The following TRIO variants were observed in gnomAD, a reference collection of about 807,000 sequenced individuals.
TRIO encodes triple functional domain protein.
In TRIO, 58 loss-of-function variants were observed where a neutral mutation model predicts 351.9. The ratio of observed to expected loss-of-function variants is 0.16; its 90% CI spans 0.13 to 0.21. The LOEUF (loss-of-function observed/expected upper bound fraction) is 0.21, where lower values mean the gene tolerates loss of function less well. TRIO is among the 10% of genes least tolerant of loss of function. The pLI, the probability that TRIO is intolerant of heterozygous loss-of-function variation, is 1.00. For missense variants in TRIO, 3,201 were observed against 4,027.8 expected (o/e 0.79, Z 5.56); for synonymous variants, 1,758 against 1,595.7 (o/e 1.10, Z -2.42).
intron 30 of TRIO, among the ~76,000 whole-genome samples, chr5:14,400,109 G>A (rs1747944809): frequency 6.6e-6 from 1 of 152,136 alleles, no homozygotes; most frequent in African/African-American, 2.4e-5. Flanking sequence ...TGTTTGGCTT[G>A]TGTTCTGTTT....
intron 1 of TRIO, among the ~76,000 whole-genome samples, chr5:14,204,498 A>G (rs1489551733): frequency 1.3e-5 from 2 of 152,176 alleles, no homozygotes; most frequent in Middle Eastern, 3.2e-3. Context: ...TGGACCACAT[A>G]CTAACATTGT....
At chr5:14,258,175 G>T (rs1024877368) in intron 1 of TRIO, among the ~76,000 whole-genome samples, 2 of 152,252 alleles carry the variant, frequency 1.3e-5, no homozygotes, top group Non-Finnish European at 2.9e-5. Flanking sequence ...CTAGTGAAGT[G>T]CAGCTTTGCC....
At chr5:14,216,609 C>T (rs1006876387) in intron 1 of TRIO, among the ~76,000 whole-genome samples, 3 of 152,214 alleles carry the variant, frequency 2.0e-5, no homozygotes, top group Non-Finnish European at 4.4e-5. Context: ...ATACCATAAA[C>T]ATCTGTACAG....
At chr5:14,320,647 C>T (rs1216820577) in intron 9 of TRIO, among the ~76,000 whole-genome samples, 2 of 152,136 alleles carry the variant, frequency 1.3e-5, no homozygotes, top group Non-Finnish European at 2.9e-5. Context: ...TCTTCTTGTC[C>T]AGTCTTTATT....
intron 3 of TRIO, among the ~76,000 whole-genome samples, chr5:14,282,626 A>G (rs573505074): frequency 8.8e-4 from 134 of 152,294 alleles, no homozygotes; most frequent in African/African-American, 3.2e-3. Flanking sequence ...AGAGAATAAT[A>G]TCATGAACAC....
intron 1 of TRIO, among the ~76,000 whole-genome samples, chr5:14,197,713 T>G (rs574756208): frequency 9.2e-5 from 14 of 152,348 alleles, no homozygotes; most frequent in African/African-American, 3.1e-4. Flanking sequence ...TTCACAGTGG[T>G]AACAGTAGTC....
chr5:14,208,988 A>G (rs1452076193), intron 1 of TRIO, among the ~76,000 whole-genome samples: 1 of 152,212 alleles, frequency 6.6e-6, no homozygotes. Context: ...TGCAATTATA[A>G]ATTTATTACA....
chr5:14,398,442 G>C (rs1440188554), intron 29 of TRIO, among the ~76,000 whole-genome samples: 1 of 152,158 alleles, frequency 6.6e-6, no homozygotes, highest in Non-Finnish European at 1.5e-5. Context: ...TGGGAAGGAT[G>C]CTCTGGGCTG....
rs766046159 is a variant in TRIO at position 14,399,037 on chromosome 5, G to C, written c.4581G>C (p.Gly1527=). 1 of 1,614,126 alleles carries C rather than the reference G, an allele frequency of 6.2e-7. No individual in the cohort carries two copies. Among genetic ancestry groups the C allele is most frequent in the Non-Finnish European group, 8.5e-7 (1 of 1,180,010 alleles). Residue 1527 remains glycine, a synonymous_variant, in exon 30 of 57, where the codon GGG becomes GGC. Transcript: ENST00000344204. ...VFSKEVKDSS[G]RSKYLYKSKL... The stretch of plus-strand genomic sequence containing the variant: ...GTAAAGAAGTGAAAGATTCCAGTGG[G>C]AGAAGCAAGTACCTTTATAAAAGCA...
chr5:14,320,822 T>C (rs1265074539), intron 9 of TRIO, among the ~76,000 whole-genome samples: 1 of 152,218 alleles, frequency 6.6e-6, no homozygotes, highest in Non-Finnish European at 1.5e-5. Flanking sequence ...AATTTGACTG[T>C]GCCAGGCTCA....
intron 34 of TRIO, among the ~76,000 whole-genome samples, chr5:14,426,660 A>G (rs974078541): frequency 6.6e-6 from 1 of 152,224 alleles, no homozygotes; most frequent in Admixed American, 6.5e-5. Flanking sequence ...TAGGCTCGGT[A>G]GAGAAAGCAG....
At chr5:14,145,991 G>GAATC (rs1275594993) in intron 1 of TRIO, among the ~76,000 whole-genome samples, 2 of 152,186 alleles carry the variant, frequency 1.3e-5, no homozygotes, top group Non-Finnish European at 2.9e-5. Flanking sequence ...GTTTCACTTA[G>GAATC]AATCAGGAGC....
intron 8 of TRIO, among the ~76,000 whole-genome samples, chr5:14,304,869 A>C (rs968231556): frequency 6.6e-6 from 1 of 152,148 alleles, no homozygotes; most frequent in East Asian, 1.9e-4. Context: ...TTTTTTCTAC[A>C]TGTATTTAAG....
chr5:14,216,946 C>T (rs1195191954), intron 1 of TRIO, among the ~76,000 whole-genome samples: 2 of 152,222 alleles, frequency 1.3e-5, no homozygotes, highest in African/African-American at 4.8e-5. Context: ...GAGCCAGGCT[C>T]TTAACTGCTA....
intron 1 of TRIO, among the ~76,000 whole-genome samples, chr5:14,231,881 A>T (rs966398984): frequency 6.7e-6 from 1 of 149,114 alleles, no homozygotes. Flanking sequence ...TCATACTATC[A>T]TAGGCCATTT....
intron 48 of TRIO, 44 bp from the exon 49 acceptor site, chr5:14,492,523 C>A: frequency 1.9e-6 from 3 of 1,601,102 alleles, no homozygotes; most frequent in Non-Finnish European, 2.6e-6. Flanking sequence ...GGTCTCGTTT[C>A]AGTTCCTCCC....
chr5:14,375,725 C>T (rs1040256249), intron 19 of TRIO, among the ~76,000 whole-genome samples: 8 of 152,204 alleles, frequency 5.3e-5, no homozygotes, highest in Non-Finnish European at 1.2e-4. Context: ...GCGCTTAGCA[C>T]TGTTTGCTGC....
At chr5:14,149,148 T>G (rs1787681163) in intron 1 of TRIO, among the ~76,000 whole-genome samples, 1 of 152,198 alleles carries the variant, frequency 6.6e-6, no homozygotes, top group African/African-American at 2.4e-5. Flanking sequence ...CATGTGCTGC[T>G]GGCTTCCTGC....
intron 34 of TRIO, among the ~76,000 whole-genome samples, chr5:14,432,786 A>G (rs537684373): frequency 6.6e-6 from 1 of 152,178 alleles, no homozygotes; most frequent in South Asian, 2.1e-4. Context: ...TTGCCCCAAA[A>G]CTATTATTCT....
Sources: allele counts gnomAD v4.1 joint callset (sites outside exome capture counted in the v4.1 genomes callset), GRCh38; gene constraint gnomAD v4.1.1; transcripts MANE v1.5; gene names NCBI Gene and HGNC (gene_info 2026-07-23, HGNC 2026-07-21).